Variants in OR13J1 observed in about 807,000 individuals in gnomAD.
OR13J1 encodes olfactory receptor family 13 subfamily J member 1, also known as olfactory receptor 13J1.
A neutral mutation model predicts 6.4 loss-of-function variants in OR13J1; 6 were observed. The observed-to-expected ratio is 0.93, with a 90% confidence interval of 0.51 to 1.84. The LOEUF (loss-of-function observed/expected upper bound fraction) is 1.84. OR13J1 is among the 40% of genes most tolerant of loss of function. The pLI is 0.01. For synonymous variants in OR13J1, 175 were observed against 182.4 expected, an observed-to-expected ratio of 0.96 and a Z score of 0.33; for missense variants, 382 against 395.6, an observed-to-expected ratio of 0.97 and a Z score of 0.29.
In OR13J1 at chr9:35,870,386, T is replaced by C. The variant is rs755887887; in HGVS notation, c.16A>G (p.Arg6Gly). 1.5e-5 allele frequency: 24 copies of C among 1,595,774 alleles called. No homozygotes were observed. The highest frequency in any genetic ancestry group is 2.1e-5 in the Non-Finnish European group (24 of 1,167,948). Reference sequence around the variant, plus strand: ...AGAAAGAACTCGGACACCTCTGTTCTGTTGAGCGGCTCCATGCTGCAGAGT... The same window carrying C: ...AGAAAGAACTCGGACACCTCTGTTCCGTTGAGCGGCTCCATGCTGCAGAGT... MEPLN[R>G]TEVSEFFLKG... The change falls in exon 1 of 1, where the codon AGA becomes GGA. Residue 6 changes from arginine (R) to glycine (G), a missense_variant. Arg to Gly is a moderately radical substitution (Grantham distance 125). Coordinates refer to ENST00000377981, the MANE Select transcript of OR13J1 (RefSeq NM_001004487.1).
chr9:35,870,330 C>A lies in OR13J1; in HGVS notation c.72G>T (p.Glu24Asp), dbSNP rs1304864592. 2 of 1,612,770 alleles carry A rather than the reference C, an allele frequency of 1.2e-6. No individual in the cohort carries two copies. Among genetic ancestry groups the A allele is most frequent in the South Asian group, 2.2e-5 (2 of 91,054 alleles). ...CTGAGCACAGAGGGAAGAGCAGATG[C>A]TCCAGGGCTGGGTAGCCAGAAAATC... ...LKGFSGYPALEHLLFPLCSAM... is the reference protein window; with the variant it reads ...LKGFSGYPALDHLLFPLCSAM... The change falls in exon 1 of 1, where the codon GAG (glutamate) becomes GAT (aspartate). Residue 24 changes from glutamate to aspartate, a missense_variant. By Grantham distance (45) the Glu-to-Asp change is conservative. Transcript: ENST00000377981.
Position 35,870,020 on chromosome 9 carries a change from G to A in OR13J1, c.382C>T (p.Gln128Ter). The stretch of plus-strand genomic sequence containing the variant: ...ATGAGCACGTGGTACCTGAGTGGCT[G>A]GCAGATGGCCAGGTAGCGGTCATAG... ...TAYDRYLAIC[Q>*]PLRYHVLMSH... Residue 128 changes from glutamine to a stop codon, truncating the protein, a stop_gained, in exon 1 of 1, where the codon CAG becomes TAG. Transcript: ENST00000377981. LOFTEE classifies it high-confidence loss of function. The A allele has an allele frequency of 6.2e-7, 1 of 1,614,224 alleles. No homozygotes were observed. The highest frequency in any genetic ancestry group is 2.2e-5 in the East Asian group (1 of 44,874).
rs754774203 is a variant in OR13J1 at position 35,869,712 on chromosome 9, C to T, written c.690G>A (p.Ser230=). 3.5e-5 allele frequency: 57 copies of T among 1,613,392 alleles called. No individual in the cohort carries two copies. The highest frequency in any genetic ancestry group is 9.9e-5 in the South Asian group (9 of 91,090). Residue 230 remains serine (S), a synonymous_variant, in exon 1 of 1, where the codon TCG becomes TCA. Transcript: ENST00000377981. ...LILATILRVP[S]AARCCKAFST... is the part of the protein sequence containing the mutation. ...AGAAGGCTTTGCAGCACCTGGCGGCCGAGGGCACCCTCAGGATGGTGGCCA... is the reference window on the plus strand; with the variant it reads ...AGAAGGCTTTGCAGCACCTGGCGGCTGAGGGCACCCTCAGGATGGTGGCCA...
rs746989460 is a variant in OR13J1 at position 35,869,508 on chromosome 9, C to T, written c.894G>A (p.Lys298=). 37 of 1,613,932 alleles carry T rather than the reference C, an allele frequency of 2.3e-5. No individual in the cohort carries two copies. In the East Asian group the frequency reaches 8.0e-4, roughly 35 times the overall value. ...TGCCCCACACCTTCCTGGCGGCCTC[C>T]TTCACCTCCTTGTTCCTCAGGCTGT... The part of the protein sequence containing the change: ...TIYSLRNKEV[K]EAARKVWGRS... The change falls in exon 1 of 1, where the codon AAG becomes AAA. Residue 298 remains lysine (K), a synonymous_variant. Coordinates refer to ENST00000377981, the MANE Select transcript of OR13J1 (RefSeq NM_001004487.1).
At position 35,869,689 on chromosome 9, in the gene OR13J1, A is replaced by T. The variant is rs772597038; in HGVS notation, c.713T>A (p.Phe238Tyr). 1.9e-6 allele frequency: 3 copies of T among 1,613,806 alleles called. No individual in the cohort carries two copies. The highest frequency in any genetic ancestry group is 2.5e-6 in the Non-Finnish European group (3 of 1,180,000). The change falls in exon 1 of 1, where the codon TTC (phenylalanine) becomes TAC (tyrosine). Residue 238 changes from phenylalanine (F) to tyrosine (Y), a missense_variant. Phe to Tyr is a conservative substitution (Grantham distance 22). Coordinates refer to ENST00000377981, the MANE Select transcript of OR13J1 (RefSeq NM_001004487.1). ...VPSAARCCKAFSTCLAHLAVV... is the reference protein window; with the variant it reads ...VPSAARCCKAYSTCLAHLAVV... ...AGCCAGGTGTGCCAAGCAGGTGGAG[A>T]AGGCTTTGCAGCACCTGGCGGCCGA...
At position 35,869,602 on chromosome 9, in the gene OR13J1, G is replaced by T. The variant is rs1403248197; in HGVS notation, c.800C>A (p.Ala267Asp). The change falls in exon 1 of 1, where the codon GCC becomes GAC. Residue 267 changes from alanine to aspartate, a missense_variant. Coordinates refer to ENST00000377981, the MANE Select transcript of OR13J1 (RefSeq NM_001004487.1). Reference sequence around the variant, plus strand: ...TGTGAAGACCTCATCAGAGATGTGGGCTTCCTTACTCTTGGGCTTCAAGTA... The same window carrying T: ...TGTGAAGACCTCATCAGAGATGTGGTCTTCCTTACTCTTGGGCTTCAAGTA... Reference protein sequence around the residue: ...FMYLKPKSKEAHISDEVFTVL... With the variant: ...FMYLKPKSKEDHISDEVFTVL... 3 of 1,614,082 alleles carry T rather than the reference G, an allele frequency of 1.9e-6. No homozygotes were observed. The highest frequency in any genetic ancestry group is 1.7e-5 in the Admixed American group (1 of 60,014).
chr9:35,869,466 C>T lies in OR13J1; in HGVS notation c.936G>A (p.Arg312=). 2 of 1,611,148 alleles carry T rather than the reference C, an allele frequency of 1.2e-6. No homozygotes were observed. Among genetic ancestry groups the T allele is most frequent in the Admixed American group, 3.3e-5 (2 of 59,972 alleles). ...CTGTACAGAGCCCCGCCCTCCCTCA[C>T]CTGGAGGCCCGACTCCTGCCCCACA... The part of the protein sequence containing the change: ...RKVWGRSRAS[R] The change falls in exon 1 of 1, where the codon AGG becomes AGA. Residue 312 remains arginine (R), a synonymous_variant. Transcript: ENST00000377981.
chr9:35,870,127 A>G lies in OR13J1; in HGVS notation c.275T>C (p.Ile92Thr), dbSNP rs769620337. The G allele has an allele frequency of 1.2e-5, 20 of 1,614,080 alleles. No homozygotes were observed. Among genetic ancestry groups the G allele is most frequent in the African/African-American group, 2.7e-5 (2 of 74,926 alleles). Residue 92 changes from isoleucine to threonine, a missense_variant, in exon 1 of 1, where the codon ATC becomes ACC. Transcript: ENST00000377981. ...LVHLLSSRKT[I>T]SFAVCAIQMC... ...CTGGATGGCACAGACAGCAAAGGAG[A>G]TGGTCTTCCGGGATGACAGGAGGTG... is the stretch of plus-strand genomic sequence containing the variant.
Position 35,870,230 on chromosome 9 carries a change from G to T in OR13J1, c.172C>A (p.Pro58Thr). 6.2e-7 allele frequency: 1 copy of T among 1,614,186 alleles called. No homozygotes were observed. Among genetic ancestry groups the T allele is most frequent in the South Asian group, 1.1e-5 (1 of 91,084 alleles). ...AGGTTGCCCAGGAAGAAGTACACGGGCGTGTGCAGGTGGATATCTAGCACG... is the reference window on the plus strand; with the variant it reads ...AGGTTGCCCAGGAAGAAGTACACGGTCGTGTGCAGGTGGATATCTAGCACG... ...VSVLDIHLHT[P>T]VYFFLGNLST... Residue 58 changes from proline to threonine, a missense_variant, in exon 1 of 1, where the codon CCC becomes ACC. Coordinates refer to ENST00000377981, the MANE Select transcript of OR13J1 (RefSeq NM_001004487.1).
rs932357590 is a variant in OR13J1 at position 35,870,304 on chromosome 9, G to A, written c.98C>T (p.Ala33Val). ...LEHLLFPLCS[A>V]MYLVTLLGNT... is the part of the protein sequence containing the mutation. ...CCCCAGGAGGGTCACCAGGTACATG[G>A]CTGAGCACAGAGGGAAGAGCAGATG... Residue 33 changes from alanine (A) to valine (V), a missense_variant, in exon 1 of 1, where the codon GCC (alanine) becomes GTC (valine). By Grantham distance (64) the Ala-to-Val change is moderately conservative. Transcript: ENST00000377981. The A allele has an allele frequency of 3.3e-5, 54 of 1,614,158 alleles. No individual in the cohort carries two copies. The highest frequency in any genetic ancestry group is 4.6e-5 in the Non-Finnish European group (54 of 1,179,974).
At position 35,869,904 on chromosome 9, in the gene OR13J1, C is replaced by A. The variant is rs1341260911; in HGVS notation, c.498G>T (p.Leu166=). 1.9e-6 allele frequency: 3 copies of A among 1,614,222 alleles called. No homozygotes were observed. Among genetic ancestry groups the A allele is most frequent in the Non-Finnish European group, 2.5e-6 (3 of 1,180,042 alleles). ...TGACCACGTGGTGGCCACAGAAGGG[C>A]AGCCTCATGGAGATGACCATCTCAG... is the stretch of plus-strand genomic sequence containing the variant. The part of the protein sequence containing the change: ...SVTEMVISMR[L]PFCGHHVVSH... The change falls in exon 1 of 1, where the codon CTG becomes CTT. Residue 166 remains leucine (L), a synonymous_variant. Coordinates refer to ENST00000377981, the MANE Select transcript of OR13J1 (RefSeq NM_001004487.1).
Position 35,869,901 on chromosome 9 carries a change from G to A in OR13J1, c.501C>T (p.Pro167=). The A allele has an allele frequency of 1.9e-6, 3 of 1,614,200 alleles. No homozygotes were observed. The highest frequency in any genetic ancestry group is 2.5e-6 in the Non-Finnish European group (3 of 1,180,028). The part of the protein sequence containing the change: ...VTEMVISMRL[P]FCGHHVVSHF... ...GACTGACCACGTGGTGGCCACAGAAGGGCAGCCTCATGGAGATGACCATCT... is the reference window on the plus strand; with the variant it reads ...GACTGACCACGTGGTGGCCACAGAAAGGCAGCCTCATGGAGATGACCATCT... Residue 167 remains proline, a synonymous_variant, in exon 1 of 1, where the codon CCC becomes CCT. Coordinates refer to ENST00000377981, the MANE Select transcript of OR13J1 (RefSeq NM_001004487.1).
chr9:35,870,288 G>C lies in OR13J1; in HGVS notation c.114C>G (p.Thr38=). The change falls in exon 1 of 1, where the codon ACC becomes ACG. Residue 38 remains threonine (T), a synonymous_variant. Coordinates refer to ENST00000377981, the MANE Select transcript of OR13J1 (RefSeq NM_001004487.1). The part of the protein sequence containing the change: ...FPLCSAMYLV[T]LLGNTAIMAV... ...CCATGATGGCTGTGTTCCCCAGGAG[G>C]GTCACCAGGTACATGGCTGAGCACA... 1 of 1,614,022 alleles carries C rather than the reference G, an allele frequency of 6.2e-7. No individual in the cohort carries two copies. Among genetic ancestry groups the C allele is most frequent in the Non-Finnish European group, 8.5e-7 (1 of 1,179,982 alleles).
chr9:35,869,842 A>T lies in OR13J1; in HGVS notation c.560T>A (p.Leu187Gln). Residue 187 changes from leucine to glutamine, a missense_variant, in exon 1 of 1, where the codon CTG becomes CAG. By Grantham distance (113) the Leu-to-Gln change is moderately radical. Coordinates refer to ENST00000377981, the MANE Select transcript of OR13J1 (RefSeq NM_001004487.1). ...FTCKILAVLK[L>Q]ACGNTSVSED... ...GCTGACCGACGTGTTGCCGCATGCC[A>T]GCTTCAGCACTGCCAGGATCTTGCA... 1 of 1,614,162 alleles carries T rather than the reference A, an allele frequency of 6.2e-7. No individual in the cohort carries two copies. Among genetic ancestry groups the T allele is most frequent in the East Asian group, 2.2e-5 (1 of 44,882 alleles).
Position 35,869,823 on chromosome 9 carries a change from C to G in OR13J1, c.579G>C (p.Ser193=). ...AVLKLACGNT[S]VSEDFLLAGS... is the part of the protein sequence containing the mutation. ...CCGCCAGCAGGAAGTCTTCGCTGACCGACGTGTTGCCGCATGCCAGCTTCA... is the reference window on the plus strand; with the variant it reads ...CCGCCAGCAGGAAGTCTTCGCTGACGGACGTGTTGCCGCATGCCAGCTTCA... Residue 193 remains serine, a synonymous_variant, in exon 1 of 1, where the codon TCG becomes TCC. Transcript: ENST00000377981. 1.2e-6 allele frequency: 2 copies of G among 1,614,044 alleles called. No individual in the cohort carries two copies. The highest frequency in any genetic ancestry group is 8.5e-7 in the Non-Finnish European group (1 of 1,180,016).
Position 35,869,987 on chromosome 9 carries a change from G to T in OR13J1, c.415C>A (p.Arg139=), listed in dbSNP as rs372229524. 2 of 1,614,096 alleles carry T rather than the reference G, an allele frequency of 1.2e-6. No homozygotes were observed. The highest frequency in any genetic ancestry group is 1.7e-6 in the Non-Finnish European group (2 of 1,180,034). ...PLRYHVLMSH[R]LCVLLMGAAW... ...GCTCCCATCAGCAGCACGCAGAGCC[G>T]GTGGCTCATGAGCACGTGGTACCTG... Residue 139 remains arginine (R), a synonymous_variant, in exon 1 of 1, where the codon CGG becomes AGG. Transcript: ENST00000377981.
At position 35,870,358 on chromosome 9, in the gene OR13J1, T is replaced by A; in HGVS notation, c.44A>T (p.Lys15Ile). The change falls in exon 1 of 1, where the codon AAA (lysine) becomes ATA (isoleucine). Residue 15 changes from lysine (K) to isoleucine (I), a missense_variant. Physicochemically the swap from Lys to Ile is moderately radical, Grantham distance 102. Coordinates refer to ENST00000377981, the MANE Select transcript of OR13J1 (RefSeq NM_001004487.1). Reference sequence around the variant, plus strand: ...CAGGGCTGGGTAGCCAGAAAATCCTTTCAGAAAGAACTCGGACACCTCTGT... The same window carrying A: ...CAGGGCTGGGTAGCCAGAAAATCCTATCAGAAAGAACTCGGACACCTCTGT... Reference protein sequence around the residue: ...NRTEVSEFFLKGFSGYPALEH... With the variant: ...NRTEVSEFFLIGFSGYPALEH... 8.1e-6 allele frequency: 13 copies of A among 1,609,618 alleles called. No individual in the cohort carries two copies. The highest frequency in any genetic ancestry group is 1.1e-5 in the Non-Finnish European group (13 of 1,176,634).
chr9:35,869,693 C>A lies in OR13J1; in HGVS notation c.709G>T (p.Ala237Ser), dbSNP rs761146254. 9 of 1,613,824 alleles carry A rather than the reference C, an allele frequency of 5.6e-6. No homozygotes were observed. The highest frequency in any genetic ancestry group is 1.7e-6 in the Non-Finnish European group (2 of 1,180,030). The stretch of plus-strand genomic sequence containing the variant: ...AGGTGTGCCAAGCAGGTGGAGAAGG[C>A]TTTGCAGCACCTGGCGGCCGAGGGC... ...RVPSAARCCKAFSTCLAHLAV... is the reference protein window; with the variant it reads ...RVPSAARCCKSFSTCLAHLAV... The change falls in exon 1 of 1, where the codon GCC (alanine) becomes TCC (serine). Residue 237 changes from alanine (A) to serine (S), a missense_variant. Coordinates refer to ENST00000377981, the MANE Select transcript of OR13J1 (RefSeq NM_001004487.1).
chr9:35,869,571 G>A lies in OR13J1; in HGVS notation c.831C>T (p.Leu277=). ...TCAGCATGGTCGTGACCATGGCATA[G>A]AGGACTGTGAAGACCTCATCAGAGA... ...AHISDEVFTV[L]YAMVTTMLNP... is the part of the protein sequence containing the mutation. The change falls in exon 1 of 1, where the codon CTC becomes CTT. Residue 277 remains leucine, a synonymous_variant. Transcript: ENST00000377981. 6.2e-7 allele frequency: 1 copy of A among 1,614,130 alleles called. No individual in the cohort carries two copies. Among genetic ancestry groups the A allele is most frequent in the South Asian group, 1.1e-5 (1 of 91,080 alleles).
Sources: gnomAD v4.1 joint callset for allele counts on GRCh38, gnomAD v4.1.1 for gene constraint, MANE v1.5 for transcripts, NCBI Gene and HGNC (gene_info 2026-07-23, HGNC 2026-07-21) for gene names.